ABL1: variants seen among roughly 807,000 people sequenced by gnomAD.
ABL1 encodes ABL proto-oncogene 1, non-receptor tyrosine kinase, also known as tyrosine-protein kinase ABL1.
A neutral mutation model predicts 94.7 loss-of-function variants in ABL1; 11 were observed. The ratio of observed to expected loss-of-function variants is 0.12; its 90% CI spans 0.07 to 0.19. The LOEUF (loss-of-function observed/expected upper bound fraction) is 0.19. Ranked by LOEUF, ABL1 falls within the 10% of genes least tolerant of loss-of-function variation. The pLI is 1.00. For synonymous variants in ABL1, 656 were observed against 622.4 expected (o/e 1.05, Z -0.80); for missense variants, 1,082 against 1,489.4 (o/e 0.73, Z 4.50).
chr9:130,713,412 C>T (rs538999483), exon 1 of ABL1, among the ~76,000 whole-genome samples: 1 of 152,318 alleles, frequency 6.6e-6, no homozygotes, highest in East Asian at 1.9e-4. Context: ...CTTGGGACAC[C>T]CCGTTTTCTG....
intron 4 of ABL1, among the ~76,000 whole-genome samples, chr9:130,867,686 G>A (rs917212988): frequency 1.3e-5 from 2 of 152,190 alleles, no homozygotes; most frequent in African/African-American, 4.8e-5. Context: ...CGAGAAGAAG[G>A]GCAGTCGTAC....
intron 1 of ABL1, among the ~76,000 whole-genome samples, chr9:130,750,906 A>G (rs1831956767): frequency 6.6e-6 from 1 of 151,142 alleles, no homozygotes; most frequent in African/African-American, 2.4e-5. Context: ...CAGCCTCCCA[A>G]AGTGCTGGGA....
At chr9:130,794,765 T>A (rs1829953258) in intron 1 of ABL1, among the ~76,000 whole-genome samples, 1 of 152,180 alleles carries the variant, frequency 6.6e-6, no homozygotes, top group Admixed American at 6.5e-5. Flanking sequence ...TTTCTTATGC[T>A]TTTGTTATTA....
At chr9:130,853,098 C>G (rs1318828890) in intron 1 of ABL1, among the ~76,000 whole-genome samples, 1 of 150,450 alleles carries the variant, frequency 6.6e-6, no homozygotes, top group East Asian at 2.0e-4. Context: ...AGCTCTGCCT[C>G]TGGGAGCGGA....
At chr9:130,881,362 G>T (rs1831449557) in intron 10 of ABL1, among the ~76,000 whole-genome samples, 1 of 152,086 alleles carries the variant, frequency 6.6e-6, no homozygotes, top group Non-Finnish European at 1.5e-5. Flanking sequence ...TGCTAATAAA[G>T]GTATACCCAA....
At chr9:130,795,327 T>G (rs1300665561) in intron 1 of ABL1, among the ~76,000 whole-genome samples, 1 of 152,232 alleles carries the variant, frequency 6.6e-6, no homozygotes, top group Non-Finnish European at 1.5e-5. Flanking sequence ...TACATTTTGT[T>G]TAAACAAAGC....
chr9:130,803,275 T>G (rs1191419819), intron 1 of ABL1, among the ~76,000 whole-genome samples: 1 of 152,160 alleles, frequency 6.6e-6, no homozygotes, highest in African/African-American at 2.4e-5. Context: ...CGTGAACTCA[T>G]GCTCTACCCG....
chr9:130,823,911 CAAAG>C (rs1169830920), intron 1 of ABL1, among the ~76,000 whole-genome samples: 3 of 152,198 alleles, frequency 2.0e-5, no homozygotes, highest in African/African-American at 7.2e-5. Flanking sequence ...TCATTTTCAT[CAAAG>C]AAAGTCTAGT....
At chr9:130,767,232 C>T (rs1200897257) in intron 1 of ABL1, among the ~76,000 whole-genome samples, 3 of 152,228 alleles carry the variant, frequency 2.0e-5, no homozygotes, top group Non-Finnish European at 4.4e-5. Flanking sequence ...GAAACTACCT[C>T]ATTCAATTAT....
intron 1 of ABL1, among the ~76,000 whole-genome samples, chr9:130,754,480 C>G (rs1354843126): frequency 1.5e-5 from 2 of 131,094 alleles, no homozygotes; most frequent in Non-Finnish European, 3.0e-5. Context: ...TGCACTCCAG[C>G]CTGGGCGACA....
At chr9:130,807,188 G>T (rs1469222554) in intron 1 of ABL1, among the ~76,000 whole-genome samples, 1 of 152,098 alleles carries the variant, frequency 6.6e-6, no homozygotes, top group Admixed American at 6.6e-5. Flanking sequence ...TACCTGCATG[G>T]TATTCTATTG....
At chr9:130,761,789 CAAAT>C (rs774543520) in intron 1 of ABL1, among the ~76,000 whole-genome samples, 45 of 152,006 alleles carry the variant, frequency 3.0e-4, no homozygotes, top group Non-Finnish European at 5.7e-4. Flanking sequence ...TTTTATTTGA[CAAAT>C]GAAAGTGATT....
intron 1 of ABL1, among the ~76,000 whole-genome samples, chr9:130,807,042 C>T (rs531407468): frequency 1.3e-5 from 2 of 151,952 alleles, no homozygotes; most frequent in South Asian, 2.1e-4. Context: ...CCCAGCTACC[C>T]GAGAGGCTGA....
chr9:130,724,895 C>G (rs1301014546), intron 1 of ABL1: 1 of 409,184 alleles, frequency 2.4e-6, no homozygotes, highest in Non-Finnish European at 4.9e-6. Flanking sequence ...GTCTTTTAGC[C>G]TTGGCACACC....
At chr9:130,731,708 T>C (rs1404364315) in intron 1 of ABL1, among the ~76,000 whole-genome samples, 3 of 152,216 alleles carry the variant, frequency 2.0e-5, no homozygotes, top group Non-Finnish European at 4.4e-5. Flanking sequence ...CCTCCTGTTT[T>C]GTTCTTCAAT....
intron 3 of ABL1, among the ~76,000 whole-genome samples, chr9:130,861,092 A>G (rs1434198607): frequency 6.6e-6 from 1 of 152,174 alleles, no homozygotes. Flanking sequence ...CGTGCTCTCA[A>G]GAATAAAAGC....
chr9:130,823,902 C>A (rs1473491580), intron 1 of ABL1, among the ~76,000 whole-genome samples: 1 of 151,900 alleles, frequency 6.6e-6, no homozygotes. Flanking sequence ...GATTCCTGTT[C>A]ATTTTCATCA....
At chr9:130,770,019 T>G (rs1009453164) in intron 1 of ABL1, among the ~76,000 whole-genome samples, 1 of 152,168 alleles carries the variant, frequency 6.6e-6, no homozygotes, top group African/African-American at 2.4e-5. Flanking sequence ...GTTATCCACA[T>G]TTCCTCCTTT....
At chr9:130,753,213 C>T (rs1400016317) in intron 1 of ABL1, among the ~76,000 whole-genome samples, 5 of 151,792 alleles carry the variant, frequency 3.3e-5, no homozygotes, top group Admixed American at 6.6e-5. Context: ...GCCAAGATCG[C>T]GCCACTGCAC....
Sources: allele counts gnomAD v4.1 joint callset (sites outside exome capture counted in the v4.1 genomes callset), GRCh38; gene constraint gnomAD v4.1.1; transcripts MANE v1.5; gene names NCBI Gene and HGNC (gene_info 2026-07-23, HGNC 2026-07-21).